Variants in ATM observed in about 807,000 individuals in gnomAD.
ATM encodes the protein serine-protein kinase ATM.
ATM carries 308 observed loss-of-function variants against 387.0 expected under a neutral mutation model. That is an observed-to-expected ratio of 0.80 (90% CI 0.73 to 0.87). The LOEUF (loss-of-function observed/expected upper bound fraction) is 0.87, where lower values mean the gene tolerates loss of function less well. ATM is among the 40% of genes least tolerant of loss of function. The pLI is 0.00. For synonymous variants in ATM, 1,156 were observed against 1,187.3 expected (o/e 0.97, Z 0.54); for missense variants, 3,312 against 3,560.9 (o/e 0.93, Z 1.78).
At chr11:108,296,126 A>G (rs1565468071) in intron 32 of ATM, 2 of 152,184 alleles carry the variant, frequency 1.3e-5, no homozygotes. Context: ...ATATATATGT[A>G]AGTATGTATT....
At chr11:108,295,963 T>G (rs2083099940) in intron 32 of ATM, 4 of 152,096 alleles carry the variant, frequency 2.6e-5, no homozygotes, top group Admixed American at 2.6e-4. Context: ...TGGCCCATGC[T>G]TAAACATTTT....
At position 108,358,504 on chromosome 11, in the gene ATM, A is replaced by G. The variant is rs1281236494; in HGVS notation, c.8850+3630A>G. Among the ~76,000 whole-genome samples the G allele has an allele frequency of 3.4e-5, 5 of 148,844 alleles. No individual in the cohort carries two copies. The East Asian group carries it at 9.7e-4, about 29-fold the overall frequency. ...AAGACACATAATTGTCAGATTCACCAAAGTTGAAATGAAGGAAAAAATGTT... is the reference window on the plus strand; with the variant it reads ...AAGACACATAATTGTCAGATTCACCGAAGTTGAAATGAAGGAAAAAATGTT... On this transcript the variant is annotated intron_variant, in intron 61 of 62. Transcript: ENST00000675843.
chr11:108,279,214 C>T (rs1489083613), intron 22 of ATM, among the ~76,000 whole-genome samples: 3 of 152,176 alleles, frequency 2.0e-5, no homozygotes, highest in Non-Finnish European at 2.9e-5. Context: ...AGTTTGAGTT[C>T]AGTGCTGTTC....
chr11:108,335,782 T>C (rs1259105687), intron 55 of ATM, 63 bp from the exon 56 acceptor site: 5 of 1,349,234 alleles, frequency 3.7e-6, no homozygotes, highest in Non-Finnish European at 5.3e-6. Flanking sequence ...TATTCTCAGA[T>C]GACTCTGTGT....
chr11:108,251,673 TA>T (rs2080154576), intron 10 of ATM, among the ~76,000 whole-genome samples, 163 bp from the exon 11 acceptor site: 1 of 152,256 alleles, frequency 6.6e-6, no homozygotes, highest in South Asian at 2.1e-4. Context: ...ATAAACGAGC[TA>T]TTTTTTAATC....
At chr11:108,283,254 G>A (rs774424338) in intron 25 of ATM, among the ~76,000 whole-genome samples, 2 of 152,122 alleles carry the variant, frequency 1.3e-5, no homozygotes, top group Non-Finnish European at 2.9e-5. Flanking sequence ...ACTAGTAGCT[G>A]GTTATTTCTG....
chr11:108,229,833 A>T (rs1001815265), intron 4 of ATM: 1 of 149,374 alleles, frequency 6.7e-6, no homozygotes, highest in African/African-American at 2.5e-5. Flanking sequence ...GAAGTGCATC[A>T]CCATGCCAGG....
chr11:108,306,344 A>G (rs1398569426), intron 37 of ATM, among the ~76,000 whole-genome samples: 1 of 152,218 alleles, frequency 6.6e-6, no homozygotes, highest in Non-Finnish European at 1.5e-5. Context: ...AAATTCTCAT[A>G]GAGGCTTTGT....
chr11:108,317,826 T>C lies in ATM; in HGVS notation c.6347+305T>C, dbSNP rs77724243. ...GCACCTAGGCTTGAATTTTACTCTC[T>C]TATTCCATTAGGACAACTTCACCCC... On this transcript the variant is annotated intron_variant, in intron 43 of 62. Transcript: ENST00000675843. Among the ~76,000 whole-genome samples, 885 of 151,616 alleles carry C rather than the reference T, an allele frequency of 5.8e-3. 9 individuals are homozygous for C. The highest frequency in any genetic ancestry group is 0.017 in the African/African-American group (718 of 41,344).
chr11:108,303,092 G>A lies in ATM; in HGVS notation c.5496+63G>A, dbSNP rs546122476. ...ATGACCTGTTTATCTAAAGAGTGCT[G>A]TGATACTGCACATCATCTTCACATA... On this transcript the variant is annotated intron_variant, in intron 36 of 62. Coordinates refer to ENST00000675843, the MANE Select transcript of ATM (RefSeq NM_000051.4). 657 of 1,457,206 alleles carry A rather than the reference G, an allele frequency of 4.5e-4. 7 individuals are homozygous for A. The South Asian group carries it at 7.2e-3, about 16-fold the overall frequency. The allele number at this position is 1,457,206 out of a possible 1,614,324, so 90.3% of individuals were successfully genotyped here.
intron 45 of ATM, 95 bp downstream of exon 45, chr11:108,321,515 GCTCATGCCTGTAAT>G (rs1277935194): frequency 7.0e-5 from 109 of 1,557,334 alleles, no homozygotes; most frequent in Middle Eastern, 1.7e-4. Flanking sequence ...GGGCACGGTG[GCTCATGCCTGTAAT>G]CCTAGCACTT....
intron 36 of ATM, among the ~76,000 whole-genome samples, chr11:108,304,344 A>G (rs4988043): frequency 0.014 from 2,176 of 152,264 alleles, 60 homozygotes; most frequent in African/African-American, 0.049. Context: ...ACGCTTTTCA[A>G]CTCTGAAATT....
Position 108,347,391 on chromosome 11 carries a change from T to A in ATM, c.8671+26T>A, listed in dbSNP as rs1257082291. ...GTAAGTAATAAAATCTATGTATCTA[T>A]TCTTTTTAGTAAATATTTGGTCATC... On this transcript the variant is annotated intron_variant, in intron 59 of 62. Transcript: ENST00000675843. The A allele has an allele frequency of 2.0e-6, 3 of 1,506,756 alleles. No homozygotes were observed. In the African/African-American group the frequency reaches 4.1e-5, roughly 21 times the overall value. 93.3% of individuals were successfully genotyped at this position (1,506,756 alleles called of 1,614,324 possible). A position where few individuals can be genotyped will look rare whatever the true frequency, so the allele number is the denominator to read the frequency against.
intron 25 of ATM, 100 bp from the exon 26 acceptor site, chr11:108,284,127 T>C: frequency 1.1e-6 from 1 of 896,366 alleles, no homozygotes; most frequent in Non-Finnish European, 1.7e-6. Context: ...GTATGATACT[T>C]TAATGCTGAT....
chr11:108,368,827 G>C lies in ATM; in HGVS notation c.*3319G>C, dbSNP rs1267211068. The C allele has an allele frequency of 4.9e-6, 1 of 203,646 alleles. No individual in the cohort carries two copies. The allele number at this position is 203,646 out of a possible 1,614,324, so 12.6% of individuals were successfully genotyped here. On this transcript the variant is annotated 3_prime_UTR_variant, in exon 63 of 63. Coordinates refer to ENST00000675843, the MANE Select transcript of ATM (RefSeq NM_000051.4). ...GGTCATTATAGTATATGCCTAAAAT[G>C]TATGCACTTAGGAATGCTAAAAATT...
intron 42 of ATM, 151 bp downstream of exon 42, chr11:108,316,264 A>T (rs1367914034): frequency 1.2e-6 from 1 of 861,928 alleles, no homozygotes; most frequent in Non-Finnish European, 1.9e-6. Flanking sequence ...ACATTCAGGG[A>T]TACTCCTGAA....
intron 58 of ATM, chr11:108,346,717 A>AGT (rs1250720010): frequency 6.4e-6 from 1 of 156,696 alleles, no homozygotes; most frequent in Non-Finnish European, 1.4e-5. Flanking sequence ...TTCCCTACCC[A>AGT]GTGTGTTTTT....
intron 61 of ATM, among the ~76,000 whole-genome samples, chr11:108,362,186 A>G (rs1191077349): frequency 1.4e-5 from 2 of 145,002 alleles, no homozygotes; most frequent in Non-Finnish European, 3.0e-5. Flanking sequence ...CAGCCAAAAA[A>G]CACATGAAAA....
chr11:108,309,622 T>TG (rs537220656), intron 38 of ATM, among the ~76,000 whole-genome samples: 100 of 152,300 alleles, frequency 6.6e-4, no homozygotes, highest in Middle Eastern at 3.4e-3. Context: ...AAAGATACTA[T>TG]CTATGGTCCC....
Sources: allele counts gnomAD v4.1 joint callset (sites outside exome capture counted in the v4.1 genomes callset), GRCh38; gene constraint gnomAD v4.1.1; transcripts MANE v1.5; gene names NCBI Gene and HGNC (gene_info 2026-07-23, HGNC 2026-07-21).